The following DAP3 variants were observed in gnomAD, a reference collection of about 807,000 sequenced individuals.
The protein encoded by DAP3 is death associated protein 3.
Under a neutral mutation model 51.9 loss-of-function variants are expected in DAP3, and 28 were observed. The observed-to-expected ratio is 0.54, with a 90% CI of 0.40 to 0.74. The LOEUF (loss-of-function observed/expected upper bound fraction) is 0.74, where lower values mean the gene tolerates loss of function less well. Among genes scored for constraint, DAP3 ranks in the 30% least tolerant of loss-of-function variants. DAP3 has a pLI of 0.00. For synonymous variants in DAP3, 170 were observed against 170.3 expected, an observed-to-expected ratio of 1.00 and a Z score of 0.01; for missense variants, 458 against 483.5, an observed-to-expected ratio of 0.95 and a Z score of 0.49.
At position 155,690,649 on chromosome 1, in the gene DAP3, A is replaced by G. The variant is rs894479262; in HGVS notation, c.-8+1475A>G. The stretch of plus-strand genomic sequence containing the variant: ...ATTTCTTAATTTTGAAAATTGTACC[A>G]TGGTCATATGTATGTAACATTAAGG... On this transcript the variant is annotated intron_variant, in intron 1 of 12. Transcript: ENST00000368336. 2.8e-5 allele frequency among the ~76,000 whole-genome samples: 4 copies of G among 142,386 alleles called. 1 individual carries two copies. Among genetic ancestry groups the G allele is most frequent in the Non-Finnish European group, 4.4e-5 (3 of 68,050 alleles). 93.4% of individuals were successfully genotyped at this position (142,386 alleles called of 152,430 possible). A position where few individuals can be genotyped will look rare whatever the true frequency, so the allele number is the denominator to read the frequency against.
At chr1:155,710,229 CTTT>C (rs537481688) in intron 2 of DAP3, 36 of 137,032 alleles carry the variant, frequency 2.6e-4, no homozygotes, top group South Asian at 9.2e-4. Flanking sequence ...TTTTTCAGTA[CTTT>C]TTTTTTTTTT....
chr1:155,732,016 C>T lies in DAP3; in HGVS notation c.976C>T (p.Gln326Ter), dbSNP rs767022342. The T allele has an allele frequency of 1.9e-5, 31 of 1,611,312 alleles. No homozygotes were observed. The highest frequency in any genetic ancestry group is 2.1e-5 in the Non-Finnish European group (25 of 1,178,676). ...TAAGCCCCGGAAAGCCTATCTGCCC[C>T]AGGAGTTGCTGGGAAAGGTCAAGTC... ...LFKPRKAYLP[Q>*]ELLGKEGFDA... The change falls in exon 11 of 13, where the codon CAG (glutamine) becomes TAG (stop). Residue 326 changes from glutamine (Q) to a stop codon, truncating the protein, a stop_gained. Transcript: ENST00000368336. LOFTEE classifies it high-confidence loss of function.
intron 7 of DAP3, 140 bp downstream of exon 7, chr1:155,727,878 A>C (rs1429900814): frequency 1.9e-6 from 2 of 1,038,640 alleles, no homozygotes; most frequent in Non-Finnish European, 2.6e-6. Flanking sequence ...CGTTTTGCTC[A>C]CAGTGGACTC....
At chr1:155,726,152 C>A (rs1231543248) in intron 6 of DAP3, 133 bp downstream of exon 6, 1 of 752,714 alleles carries the variant, frequency 1.3e-6, no homozygotes, top group Non-Finnish European at 2.0e-6. Context: ...TCGCTCTTGT[C>A]GGCCAGTCTG....
At chr1:155,701,055 G>C (rs1223974136) in intron 1 of DAP3, among the ~76,000 whole-genome samples, 2 of 135,150 alleles carry the variant, frequency 1.5e-5, no homozygotes, top group South Asian at 4.5e-4. Flanking sequence ...GGGAGGTGGG[G>C]GGGGGTCAGC....
In DAP3 at chr1:155,728,916, C is replaced by T. The variant is rs1329306643; in HGVS notation, c.604-126C>T. ...TTCACTTCTACATTGAGGTCTCTTA[C>T]AGAACCTGAACAATAGATTAAAATG... On this transcript the variant is annotated intron_variant, in intron 7 of 12. Transcript: ENST00000368336. 3 of 842,700 alleles carry T rather than the reference C, an allele frequency of 3.6e-6. No individual in the cohort carries two copies. In the East Asian group the frequency reaches 7.8e-5, roughly 22 times the overall value. The allele number at this position is 842,700 out of a possible 1,614,324, so 52.2% of individuals were successfully genotyped here.
At chr1:155,713,483 C>T (rs1182218193) in intron 2 of DAP3, among the ~76,000 whole-genome samples, 2 of 152,142 alleles carry the variant, frequency 1.3e-5, no homozygotes, top group African/African-American at 2.4e-5. Flanking sequence ...TACTTTCCTT[C>T]GTGGATGCTT....
At chr1:155,727,229 CTT>C (rs1372227515) in intron 6 of DAP3, among the ~76,000 whole-genome samples, 2 of 152,076 alleles carry the variant, frequency 1.3e-5, no homozygotes, top group African/African-American at 4.8e-5. Flanking sequence ...CATTTTCTGA[CTT>C]ACCTTTCAAA....
intron 1 of DAP3, among the ~76,000 whole-genome samples, chr1:155,704,817 T>A (rs1430471576): frequency 6.6e-6 from 1 of 151,874 alleles, no homozygotes; most frequent in Admixed American, 6.6e-5. Flanking sequence ...CTGTATCTAC[T>A]AAAAATACAA....
At chr1:155,734,457 G>A (rs1363045403) in intron 11 of DAP3, among the ~76,000 whole-genome samples, 5 of 152,060 alleles carry the variant, frequency 3.3e-5, no homozygotes, top group Admixed American at 1.3e-4. Context: ...GATTACTGGC[G>A]TGAGCCACCA....
At chr1:155,724,058 T>A (rs1052034483) in intron 4 of DAP3, among the ~76,000 whole-genome samples, 4 of 151,174 alleles carry the variant, frequency 2.6e-5, no homozygotes, top group Admixed American at 6.6e-5. Flanking sequence ...AAAAAAAAAT[T>A]AACACTATTT....
intron 1 of DAP3, among the ~76,000 whole-genome samples, chr1:155,692,774 C>T (rs1654009177): frequency 1.4e-5 from 2 of 142,446 alleles, no homozygotes; most frequent in South Asian, 2.1e-4. Flanking sequence ...GTATTCCAAT[C>T]ACATTGCATT....
rs780785558 is a variant in DAP3, at chr1:155,736,418, CTT to C, written c.994-520_994-519del. 8.8e-4 allele frequency among the ~76,000 whole-genome samples: 134 copies of C among 151,826 alleles called. 2 individuals are homozygous for C. In the East Asian group the frequency reaches 0.022, roughly 25 times the overall value. On this transcript the variant is annotated intron_variant, in intron 11 of 12. Transcript: ENST00000368336. ...TAGCATCCGCCTCCTCAAGCATTGC[CTT>C]TTTTTTTGTGTGTGTAGACATGGTC...
Position 155,738,471 on chromosome 1 carries a change from G to A in DAP3, c.*229G>A. The A allele has an allele frequency of 2.3e-6, 1 of 433,590 alleles. No homozygotes were observed. Among genetic ancestry groups the A allele is most frequent in the Non-Finnish European group, 4.1e-6 (1 of 245,770 alleles). The allele number at this position is 433,590 out of a possible 1,614,324, so 26.9% of individuals were successfully genotyped here. ...ACTTTATATCAGTTTATTGGATGTG[G>A]TTTTTCACATTTAAGATAATTATGG... On this transcript the variant is annotated 3_prime_UTR_variant, in exon 13 of 13. Coordinates refer to ENST00000368336, the MANE Select transcript of DAP3 (RefSeq NM_004632.4).
chr1:155,707,371 C>G (rs1057051200), intron 1 of DAP3, among the ~76,000 whole-genome samples: 1 of 151,270 alleles, frequency 6.6e-6, no homozygotes, highest in Non-Finnish European at 1.5e-5. Context: ...CAAGATCGCG[C>G]CACTGCACTC....
At chr1:155,689,265 C>A in intron 1 of DAP3, 91 bp downstream of exon 1, 1 of 664,748 alleles carries the variant, frequency 1.5e-6, no homozygotes, top group Non-Finnish European at 2.8e-6. Flanking sequence ...GGCCGGTAGA[C>A]CGGCGCGCCT....
chr1:155,738,282 C>T lies in DAP3; in HGVS notation c.*40C>T, dbSNP rs1557807203. On this transcript the variant is annotated 3_prime_UTR_variant, in exon 13 of 13. Transcript: ENST00000368336. Reference sequence around the variant, plus strand: ...ATGTGAGGAAGACAGTGGACATCTGCTTTATGCTGGACCCAGTAAGATGAG... The same window carrying T: ...ATGTGAGGAAGACAGTGGACATCTGTTTTATGCTGGACCCAGTAAGATGAG... 1.2e-6 allele frequency: 2 copies of T among 1,607,808 alleles called. No homozygotes were observed. The highest frequency in any genetic ancestry group is 1.7e-6 in the Non-Finnish European group (2 of 1,174,768).
intron 2 of DAP3, among the ~76,000 whole-genome samples, chr1:155,712,444 C>T (rs999087729): frequency 6.6e-6 from 1 of 152,012 alleles, no homozygotes; most frequent in Non-Finnish European, 1.5e-5. Context: ...GAAACTCCGT[C>T]ACTACTAAAA....
In DAP3 at chr1:155,729,229, G is replaced by A. The variant is rs868612639; in HGVS notation, c.706G>A (p.Ala236Thr). The part of the protein sequence containing the change: ...VEQGITRVRN[A>T]TDAVGIVLKE... ...ATAGGGCATAACACGGGTGAGGAAC[G>A]CCACAGATGCAGTTGGAATTGTGCT... Residue 236 changes from alanine to threonine, a missense_variant, in exon 9 of 13, where the codon GCC becomes ACC. Transcript: ENST00000368336. The A allele has an allele frequency of 3.7e-6, 6 of 1,614,052 alleles. No individual in the cohort carries two copies. In the African/African-American group the frequency reaches 4.0e-5, roughly 11 times the overall value.
Sources: gnomAD v4.1 joint callset for allele counts (sites outside exome capture counted in the v4.1 genomes callset) on GRCh38, gnomAD v4.1.1 for gene constraint, MANE v1.5 for transcripts, NCBI Gene and HGNC (gene_info 2026-07-23, HGNC 2026-07-21) for gene names.